The following GALK2 variants were observed in gnomAD, a reference collection of about 807,000 sequenced individuals.
GALK2 encodes the protein galactokinase 2, also known as N-acetylgalactosamine kinase.
GALK2 carries 36 observed loss-of-function variants against 52.4 expected under a neutral mutation model. That is an observed-to-expected ratio of 0.69 (90% CI 0.53 to 0.91). The LOEUF (loss-of-function observed/expected upper bound fraction) is 0.91. Ranked by LOEUF, GALK2 falls within the 40% of genes least tolerant of loss-of-function variation. The pLI is 0.00. For synonymous variants in GALK2, 176 were observed against 199.1 expected (o/e 0.88, Z 0.98); for missense variants, 579 against 559.1 (o/e 1.04, Z -0.36).
chr15:49,269,978 A>T (rs1046228713), intron 5 of GALK2, among the ~76,000 whole-genome samples: 2 of 152,208 alleles, frequency 1.3e-5, no homozygotes, highest in African/African-American at 4.8e-5. Flanking sequence ...TGTTGTTTCA[A>T]CTATTCCTTA....
At chr15:49,313,548 C>T (rs1233881748) in intron 8 of GALK2, among the ~76,000 whole-genome samples, 4 of 152,222 alleles carry the variant, frequency 2.6e-5, no homozygotes. Context: ...TCTTGGTGCA[C>T]CTTCAGCATT....
intron 5 of GALK2, among the ~76,000 whole-genome samples, chr15:49,259,699 A>C (rs1350861377): frequency 1.3e-5 from 2 of 148,394 alleles, no homozygotes; most frequent in African/African-American, 2.5e-5. Context: ...ATCTAGCATT[A>C]GGTATATCTC....
chr15:49,157,268 C>T lies in GALK2; in HGVS notation c.20+1252C>T, dbSNP rs570606805. On this transcript the variant is annotated intron_variant, in intron 1 of 9. Coordinates refer to the GALK2 transcript ENST00000327171. ...ATAGTGAAAGTAAAAGCTTTCCTGA[C>T]TCTTAAGACTGACATTTTCTTGCTA... 7.9e-4 allele frequency among the ~76,000 whole-genome samples: 120 copies of T among 152,254 alleles called. 1 individual carries two copies. The highest frequency in any genetic ancestry group is 2.8e-3 in the African/African-American group (117 of 41,538).
At chr15:49,269,606 A>T (rs2030075328) in intron 5 of GALK2, among the ~76,000 whole-genome samples, 1 of 152,188 alleles carries the variant, frequency 6.6e-6, no homozygotes, top group African/African-American at 2.4e-5. Flanking sequence ...AATTTGGAGG[A>T]GGACAAGGAA....
At chr15:49,179,221 T>C (rs192485964) in intron 1 of GALK2, among the ~76,000 whole-genome samples, 1 of 152,258 alleles carries the variant, frequency 6.6e-6, no homozygotes, top group East Asian at 1.9e-4. Context: ...TAGTAATAAC[T>C]AATAATTATT....
At chr15:49,273,920 A>G (rs1015830772) in intron 5 of GALK2, among the ~76,000 whole-genome samples, 1 of 152,204 alleles carries the variant, frequency 6.6e-6, no homozygotes, top group Non-Finnish European at 1.5e-5. Flanking sequence ...GCTGAAGGAC[A>G]GTTTATTTCA....
intron 6 of GALK2, among the ~76,000 whole-genome samples, chr15:49,282,387 C>T (rs532444700): frequency 6.6e-6 from 1 of 152,228 alleles, no homozygotes; most frequent in Admixed American, 6.5e-5. Flanking sequence ...TTTCTCAATT[C>T]CCTAGTTATT....
chr15:49,283,758 T>G (rs761202854), intron 7 of GALK2, 40 bp downstream of exon 7: 1 of 1,599,946 alleles, frequency 6.3e-7, no homozygotes, highest in Admixed American at 1.7e-5. Flanking sequence ...AAGTAGGGTT[T>G]TTCTTGTCTT....
At chr15:49,191,359 G>T (rs1595582721) in intron 1 of GALK2, among the ~76,000 whole-genome samples, 1 of 152,082 alleles carries the variant, frequency 6.6e-6, no homozygotes, top group East Asian at 1.9e-4. Context: ...TGGAAAGTCA[G>T]ATAACAACTT....
chr15:49,333,356 T>G (rs1038101562), downstream of GALK2, among the ~76,000 whole-genome samples: 1 of 152,198 alleles, frequency 6.6e-6, no homozygotes, highest in Non-Finnish European at 1.5e-5. Context: ...CACGTGAGAT[T>G]TATATATCCA....
intron 1 of GALK2, among the ~76,000 whole-genome samples, chr15:49,183,848 A>G (rs2086154469): frequency 6.6e-6 from 1 of 151,658 alleles, no homozygotes; most frequent in Non-Finnish European, 1.5e-5. Context: ...TGTCTCAGAA[A>G]AAAAAAAAAA....
At chr15:49,275,685 A>G (rs1359819049) in intron 5 of GALK2, among the ~76,000 whole-genome samples, 2 of 152,198 alleles carry the variant, frequency 1.3e-5, no homozygotes, top group Non-Finnish European at 2.9e-5. Context: ...AAACAAAAAC[A>G]GGTCACTGTA....
At chr15:49,157,536 T>C (rs1301795966) in intron 1 of GALK2, among the ~76,000 whole-genome samples, 1 of 152,204 alleles carries the variant, frequency 6.6e-6, no homozygotes, top group East Asian at 1.9e-4. Context: ...TTAAGTCCCA[T>C]GGCCTTCAGA....
At chr15:49,264,959 C>T (rs189673989) in intron 5 of GALK2, among the ~76,000 whole-genome samples, 303 of 152,246 alleles carry the variant, frequency 2.0e-3, no homozygotes, top group African/African-American at 6.8e-3. Context: ...AGTACCCAGC[C>T]GTGTGAGGTG....
intron 1 of GALK2, chr15:49,170,619 C>T (rs1294646025): frequency 5.9e-6 from 3 of 506,078 alleles, no homozygotes; most frequent in East Asian, 6.1e-5. Flanking sequence ...TCTTCTTTTC[C>T]TTTTCTTGTT....
intron 1 of GALK2, chr15:49,178,324 TGTAC>T (rs2085676638): frequency 7.0e-6 from 1 of 142,196 alleles, no homozygotes; most frequent in Non-Finnish European, 1.5e-5. Flanking sequence ...CATATATGTA[TGTAC>T]ATATATACAT....
Position 49,170,304 on chromosome 15 carries a change from A to C in GALK2, c.-19A>C. The stretch of plus-strand genomic sequence containing the variant: ...CTTAGACACTTGAAACTACAGGAGA[A>C]AGAAGGATCTAGCGAAATATGGCTA... On this transcript the variant is annotated 5_prime_UTR_variant, in exon 1 of 10. Transcript: ENST00000560031. The C allele has an allele frequency of 6.3e-7, 1 of 1,575,116 alleles. No individual in the cohort carries two copies. Among genetic ancestry groups the C allele is most frequent in the Admixed American group, 1.9e-5 (1 of 53,762 alleles).
chr15:49,168,711 C>T (rs139009095), upstream of GALK2, among the ~76,000 whole-genome samples: 9,987 of 147,250 alleles, frequency 0.068, 696 homozygotes, highest in African/African-American at 0.17. Flanking sequence ...AAGAGCGAAA[C>T]TCCATCTAAA....
chr15:49,206,770 G>GT (rs1566936815), intron 2 of GALK2, among the ~76,000 whole-genome samples: 1 of 151,968 alleles, frequency 6.6e-6, no homozygotes, highest in Non-Finnish European at 1.5e-5. Flanking sequence ...GTAAACGATC[G>GT]TATCATCAGC....
Sources: allele counts gnomAD v4.1 joint callset (sites outside exome capture counted in the v4.1 genomes callset), GRCh38; gene constraint gnomAD v4.1.1; transcripts MANE v1.5; gene names NCBI Gene and HGNC (gene_info 2026-07-23, HGNC 2026-07-21).